ZNF132: variants seen among roughly 807,000 people sequenced by gnomAD.
ZNF132 encodes zinc finger protein 132, also known as zinc finger protein 132 (clone pHZ-12).
Under a neutral mutation model 9.3 loss-of-function variants are expected in ZNF132, and 6 were observed. The ratio of observed to expected loss-of-function variants is 0.65; its 90% confidence interval spans 0.35 to 1.28. ZNF132 has a LOEUF of 1.28. ZNF132 is among the 50% of genes most tolerant of loss of function. The pLI is 0.03. For synonymous variants in ZNF132, 296 were observed against 292.0 expected, an observed-to-expected ratio of 1.01 and a Z score of -0.14; for missense variants, 877 against 843.2, an observed-to-expected ratio of 1.04 and a Z score of -0.50.
chr19:58,438,021 T>G (rs1013554966), intron 1 of ZNF132, among the ~76,000 whole-genome samples: 2 of 152,190 alleles, frequency 1.3e-5, no homozygotes, highest in Admixed American at 6.5e-5. Context: ...AGGCTGACCC[T>G]TTCTGATCTT....
chr19:58,436,874 CAG>C (rs772475170), intron 2 of ZNF132, 171 bp downstream of exon 2: 3 of 904,742 alleles, frequency 3.3e-6, no homozygotes, highest in South Asian at 1.3e-5. Flanking sequence ...TGAGGCTGCT[CAG>C]AGAGAGACAG....
In ZNF132 at chr19:58,434,380, G is replaced by A; in HGVS notation, c.1064C>T (p.Ala355Val). The A allele has an allele frequency of 6.2e-7, 1 of 1,614,228 alleles. No individual in the cohort carries two copies. Among genetic ancestry groups the A allele is most frequent in the South Asian group, 1.1e-5 (1 of 91,090 alleles). Residue 355 changes from alanine to valine, a missense_variant, in exon 3 of 3, where the codon GCC (alanine) becomes GTC (valine). Ala to Val is a moderately conservative substitution (Grantham distance 64). Transcript: ENST00000254166. ...RPYECDECGK[A>V]FSNRSHLIRH... Reference sequence around the variant, plus strand: ...AATGAGGTGTGATCTGTTACTGAAGGCTTTCCCACATTCATCACACTCATA... The same window carrying A: ...AATGAGGTGTGATCTGTTACTGAAGACTTTCCCACATTCATCACACTCATA...
chr19:58,437,028 T>A lies in ZNF132; in HGVS notation c.232+19A>T, dbSNP rs192896475. On this transcript the variant is annotated intron_variant, in intron 2 of 2. Transcript: ENST00000254166. ...ACAAGGCATAAGGTAGTCATCACCA[T>A]GCTGAGACAGGGCATTACCAAGTGA... is the stretch of plus-strand genomic sequence containing the variant. 8.7e-6 allele frequency: 14 copies of A among 1,614,174 alleles called. No homozygotes were observed. The highest frequency in any genetic ancestry group is 1.7e-5 in the Admixed American group (1 of 60,020).
At chr19:58,436,667 C>CAAAAAAA (rs56078209) in intron 2 of ZNF132, among the ~76,000 whole-genome samples, 1 of 65,550 alleles carries the variant, frequency 1.5e-5, no homozygotes, top group Non-Finnish European at 2.8e-5. Context: ...GACTCCATCT[C>CAAAAAAA]AAAAAAAAAA....
Position 58,434,628 on chromosome 19 carries a change from G to A in ZNF132, c.816C>T (p.Phe272=). The change falls in exon 3 of 3, where the codon TTC becomes TTT. Residue 272 remains phenylalanine, a synonymous_variant. Transcript: ENST00000254166. ...IPFTCPTGGN[F]LEEKSILGNK... ...TACCAAGGATTGATTTCTCCTCTAA[G>A]AAATTTCCACCTGTTGGGCATGTAA... The A allele has an allele frequency of 1.2e-6, 2 of 1,614,200 alleles. No individual in the cohort carries two copies. Among genetic ancestry groups the A allele is most frequent in the South Asian group, 2.2e-5 (2 of 91,086 alleles).
chr19:58,434,407 G>A lies in ZNF132; in HGVS notation c.1037C>T (p.Pro346Leu). 1 of 1,614,236 alleles carries A rather than the reference G, an allele frequency of 6.2e-7. No homozygotes were observed. The highest frequency in any genetic ancestry group is 1.1e-5 in the South Asian group (1 of 91,088). ...HHQRIHSGER[P>L]YECDECGKAF... ...TTTCCCACATTCATCACACTCATAAGGTCTTTCTCCTGAGTGAATTCTCTG... is the reference window on the plus strand; with the variant it reads ...TTTCCCACATTCATCACACTCATAAAGTCTTTCTCCTGAGTGAATTCTCTG... Residue 346 changes from proline (P) to leucine (L), a missense_variant, in exon 3 of 3, where the codon CCT becomes CTT. By Grantham distance (98) the Pro-to-Leu change is moderately conservative. Transcript: ENST00000254166.
chr19:58,435,363 C>T, intron 2 of ZNF132, 152 bp from the exon 3 acceptor site: 1 of 845,830 alleles, frequency 1.2e-6, no homozygotes, highest in Non-Finnish European at 1.8e-6. Context: ...AAGAAGGGCC[C>T]ATTACTATTG....
chr19:58,435,360 GC>G, intron 2 of ZNF132, 149 bp from the exon 3 acceptor site: 2 of 865,468 alleles, frequency 2.3e-6, no homozygotes, highest in Non-Finnish European at 3.5e-6. Flanking sequence ...GTGAAGAAGG[GC>G]CCATTACTAT....
Position 58,434,038 on chromosome 19 carries a change from C to A in ZNF132, c.1406G>T (p.Ser469Ile), listed in dbSNP as rs962929649. 1 of 1,614,180 alleles carries A rather than the reference C, an allele frequency of 6.2e-7. No individual in the cohort carries two copies. The highest frequency in any genetic ancestry group is 1.7e-5 in the Admixed American group (1 of 60,008). Residue 469 changes from serine (S) to isoleucine (I), a missense_variant, in exon 3 of 3, where the codon AGC becomes ATC. Transcript: ENST00000254166. The part of the protein sequence containing the change: ...FECSECGRDF[S>I]QSSHLLRHQK... ...ATGTCGAAGGAGATGGGAGCTTTGG[C>A]TGAAGTCTCTTCCACATTCACTGCA...
rs2052794226 is a variant in ZNF132, at chr19:58,440,025, A to T, written c.-204T>A. The T allele has an allele frequency of 6.9e-6, 4 of 579,066 alleles. No homozygotes were observed. In the East Asian group the frequency reaches 1.3e-4, roughly 19 times the overall value. 35.9% of individuals were successfully genotyped at this position (579,066 alleles called of 1,614,324 possible). A position where few individuals can be genotyped will look rare whatever the true frequency, so the allele number is the denominator to read the frequency against. On this transcript the variant is annotated 5_prime_UTR_variant, in exon 1 of 3. Transcript: ENST00000254166. ...GGAACACCTTGGCTCATAAAAGCAG[A>T]GTAATTAGCCGGGCACTATGGTGCG... is the stretch of plus-strand genomic sequence containing the variant.
At position 58,436,667 on chromosome 19, in the gene ZNF132, C is replaced by CAAAA. The variant is rs56078209; in HGVS notation, c.232+376_232+379dup. Among the ~76,000 whole-genome samples, 8 of 65,542 alleles carry CAAAA rather than the reference C, an allele frequency of 1.2e-4. No homozygotes were observed. In the East Asian group the frequency reaches 2.5e-3, roughly 20 times the overall value. 43.0% of individuals were successfully genotyped at this position (65,542 alleles called of 152,430 possible). A position where few individuals can be genotyped will look rare whatever the true frequency, so the allele number is the denominator to read the frequency against. ...TGGGGGACAGAGCAAGACTCCATCT[C>CAAAA]AAAAAAAAAAAAAAAAAAAAAAAAA... is the stretch of plus-strand genomic sequence containing the variant. On this transcript the variant is annotated intron_variant, in intron 2 of 2. Coordinates refer to ENST00000254166, the MANE Select transcript of ZNF132 (RefSeq NM_003433.4).
At chr19:58,437,768 A>G (rs556156990) in intron 1 of ZNF132, 1 of 985,416 alleles carries the variant, frequency 1.0e-6, no homozygotes, top group South Asian at 4.7e-5. Context: ...CAAGCCAGCT[A>G]CAGAGCTCCA....
chr19:58,438,875 G>A (rs1448903713), intron 1 of ZNF132, among the ~76,000 whole-genome samples: 1 of 151,776 alleles, frequency 6.6e-6, no homozygotes, highest in African/African-American at 2.4e-5. Context: ...GATTCAAACA[G>A]TTCTTCTGCC....
Position 58,434,234 on chromosome 19 carries a change from C to G in ZNF132, c.1210G>C (p.Glu404Gln). The G allele has an allele frequency of 6.2e-7, 1 of 1,614,190 alleles. No homozygotes were observed. The highest frequency in any genetic ancestry group is 8.5e-7 in the Non-Finnish European group (1 of 1,180,044). ...QKVHTQVRPY[E>Q]CSQCGKSFSR... ...AAGGATTTACCACATTGACTGCACT[C>G]ATAAGGTCTTACCTGTGTGTGAACT... is the stretch of plus-strand genomic sequence containing the variant. Residue 404 changes from glutamate (E) to glutamine (Q), a missense_variant, in exon 3 of 3, where the codon GAG becomes CAG. Glu to Gln is a conservative substitution (Grantham distance 29). Coordinates refer to ENST00000254166, the MANE Select transcript of ZNF132 (RefSeq NM_003433.4).
Position 58,439,832 on chromosome 19 carries a change from C to T in ZNF132, c.-11G>A, listed in dbSNP as rs1162769987. 2 of 1,538,748 alleles carry T rather than the reference C, an allele frequency of 1.3e-6. No homozygotes were observed. Among genetic ancestry groups the T allele is most frequent in the Middle Eastern group, 1.7e-4 (1 of 5,946 alleles). On this transcript the variant is annotated 5_prime_UTR_variant, in exon 1 of 3. Coordinates refer to ENST00000254166, the MANE Select transcript of ZNF132 (RefSeq NM_003433.4). ...GCTGGGCAGGGCCATAACAGGAGGC[C>T]CAGGGCTAGCCCTGCCGCTGGGCCG...
Position 58,434,752 on chromosome 19 carries a change from G to A in ZNF132, c.692C>T (p.Thr231Ile). 1.2e-6 allele frequency: 2 copies of A among 1,614,160 alleles called. No homozygotes were observed. The highest frequency in any genetic ancestry group is 8.5e-7 in the Non-Finnish European group (1 of 1,180,032). Residue 231 changes from threonine to isoleucine, a missense_variant, in exon 3 of 3, where the codon ACC (threonine) becomes ATC (isoleucine). By Grantham distance (89) the Thr-to-Ile change is moderately conservative. Transcript: ENST00000254166. The part of the protein sequence containing the change: ...SNLGQLPEVC[T>I]TQKLFECSNC... Reference sequence around the variant, plus strand: ...GCTGCACTCGAAGAGTTTCTGTGTGGTACAGACTTCTGGAAGCTGCCCAAG... The same window carrying A: ...GCTGCACTCGAAGAGTTTCTGTGTGATACAGACTTCTGGAAGCTGCCCAAG...
At chr19:58,437,856 C>T (rs2052781687) in intron 1 of ZNF132, 2 of 930,016 alleles carry the variant, frequency 2.2e-6, no homozygotes, top group South Asian at 5.0e-5. Flanking sequence ...CAACCATCAG[C>T]TGCCCAGAAC....
At position 58,433,615 on chromosome 19, in the gene ZNF132, C is replaced by T. The variant is rs148462540; in HGVS notation, c.1829G>A (p.Arg610Gln). The T allele has an allele frequency of 1.5e-4, 237 of 1,613,950 alleles. No individual in the cohort carries two copies. The highest frequency in any genetic ancestry group is 4.5e-4 in the East Asian group (20 of 44,860). The change falls in exon 3 of 3, where the codon CGA becomes CAA. Residue 610 changes from arginine to glutamine, a missense_variant. Coordinates refer to ENST00000254166, the MANE Select transcript of ZNF132 (RefSeq NM_003433.4). ...CCAGTGACAAATAAGGCTGGATTTT[C>T]GGCTAAAGAATTTCCCACATTCACT... ...KCSECGKFFS[R>Q]KSSLICHWRV...
intron 2 of ZNF132, chr19:58,435,580 C>A: frequency 5.7e-6 from 1 of 176,428 alleles, no homozygotes; most frequent in Non-Finnish European, 1.2e-5. Context: ...TTCACATCCA[C>A]TAGCATAGCT....
Sources: allele counts gnomAD v4.1 joint callset (sites outside exome capture counted in the v4.1 genomes callset), GRCh38; gene constraint gnomAD v4.1.1; transcripts MANE v1.5; gene names NCBI Gene and HGNC (gene_info 2026-07-23, HGNC 2026-07-21).